GRIK3: variants seen among roughly 807,000 people sequenced by gnomAD.
GRIK3 encodes the protein glutamate ionotropic receptor kainate type subunit 3.
Under a neutral mutation model 102.5 loss-of-function variants are expected in GRIK3, and 29 were observed. That is an observed-to-expected ratio of 0.28 (90% confidence interval 0.21 to 0.39). The LOEUF (loss-of-function observed/expected upper bound fraction) is 0.39, where lower values mean the gene tolerates loss of function less well. GRIK3 is among the 10% of genes least tolerant of loss of function. GRIK3 has a pLI of 1.00. For synonymous variants in GRIK3, 511 were observed against 504.9 expected (o/e 1.01, Z -0.16); for missense variants, 908 against 1,252.4 (o/e 0.73, Z 4.15).
intron 5 of GRIK3, among the ~76,000 whole-genome samples, chr1:36,861,774 A>C (rs1056941886): frequency 8.5e-5 from 13 of 152,156 alleles, no homozygotes; most frequent in Non-Finnish European, 1.5e-4. Flanking sequence ...AGCCCAGGCA[A>C]GAAAGTCTGG....
intron 9 of GRIK3, among the ~76,000 whole-genome samples, chr1:36,842,376 A>G (rs1364046737): frequency 6.6e-6 from 1 of 152,040 alleles, no homozygotes; most frequent in Non-Finnish European, 1.5e-5. Flanking sequence ...TGAACCGGAA[A>G]CTCTGGGGAG....
chr1:36,948,319 A>G (rs556927480), intron 1 of GRIK3, among the ~76,000 whole-genome samples: 1 of 152,318 alleles, frequency 6.6e-6, no homozygotes, highest in South Asian at 2.1e-4. Flanking sequence ...CAGATCCTGT[A>G]CTGGGAGAGG....
At chr1:36,954,640 T>TC (rs936514019) in intron 1 of GRIK3, among the ~76,000 whole-genome samples, 1 of 152,146 alleles carries the variant, frequency 6.6e-6, no homozygotes, top group Non-Finnish European at 1.5e-5. Flanking sequence ...TCCCTGAGGT[T>TC]CCCCTGATTA....
In GRIK3 at chr1:36,801,856, G is replaced by A. The variant is rs200512044; in HGVS notation, c.2755C>T (p.Pro919Ser). Residue 919 changes from proline to serine, a missense_variant, in exon 16 of 16, where the codon CCC (proline) becomes TCC (serine). By Grantham distance (74) the Pro-to-Ser change is moderately conservative. Around this residue, in one of 3 missense-constraint regions of GRIK3, gnomAD observed 297 missense variants for 362.7 expected, o/e 0.82. Transcript: ENST00000373091. ...GGTCCCCACCCCAGCTGTGCCTAGG[G>A]GAACACAGGGGCTAAGGATGTGCTG... Reference protein sequence around the residue: ...ACSTSLAPVFP With the variant: ...ACSTSLAPVFS 2 of 1,602,984 alleles carry A rather than the reference G, an allele frequency of 1.2e-6. No individual in the cohort carries two copies. The highest frequency in any genetic ancestry group is 1.3e-5 in the African/African-American group (1 of 74,958).
intron 2 of GRIK3, among the ~76,000 whole-genome samples, chr1:36,890,250 G>A (rs2124272328): frequency 6.6e-6 from 1 of 152,166 alleles, no homozygotes; most frequent in Admixed American, 6.5e-5. Flanking sequence ...ATCACTTAAG[G>A]TCAGGAGTTC....
chr1:36,855,510 C>T (rs905535776), intron 7 of GRIK3, among the ~76,000 whole-genome samples: 1 of 152,152 alleles, frequency 6.6e-6, no homozygotes, highest in African/African-American at 2.4e-5. Flanking sequence ...GGCAGTGGGG[C>T]TGTGCTTTGG....
intron 1 of GRIK3, among the ~76,000 whole-genome samples, chr1:36,943,993 A>C (rs1218787795): frequency 6.6e-6 from 1 of 152,222 alleles, no homozygotes; most frequent in African/African-American, 2.4e-5. Flanking sequence ...CTTGGCAGAA[A>C]GATGCCCCTG....
chr1:36,874,246 A>G (rs1018846120), intron 3 of GRIK3, among the ~76,000 whole-genome samples: 1 of 152,210 alleles, frequency 6.6e-6, no homozygotes, highest in Admixed American at 6.5e-5. Flanking sequence ...AATTATTCTC[A>G]TTCCTGAGGG....
intron 1 of GRIK3, among the ~76,000 whole-genome samples, chr1:36,969,597 C>A (rs1642119556): frequency 6.6e-6 from 1 of 152,130 alleles, no homozygotes; most frequent in South Asian, 2.1e-4. Flanking sequence ...AGAGTAGAGA[C>A]CTGCATAAAG....
intron 1 of GRIK3, among the ~76,000 whole-genome samples, chr1:36,934,600 T>C (rs1641633179): frequency 6.6e-6 from 1 of 152,278 alleles, no homozygotes; most frequent in South Asian, 2.1e-4. Context: ...GTATTTTCCT[T>C]CATGACTCTT....
chr1:36,863,264 T>C (rs1249051224), intron 5 of GRIK3, among the ~76,000 whole-genome samples: 1 of 152,016 alleles, frequency 6.6e-6, no homozygotes, highest in Non-Finnish European at 1.5e-5. Context: ...CGAGAGGCTC[T>C]ACCTGCCCAG....
intron 1 of GRIK3, among the ~76,000 whole-genome samples, chr1:37,014,657 G>T (rs979471801): frequency 3.9e-5 from 6 of 152,160 alleles, no homozygotes; most frequent in African/African-American, 1.4e-4. Flanking sequence ...AGTGGCCTTT[G>T]CTGGGAAGCT....
At position 36,918,920 on chromosome 1, in the gene GRIK3, A is replaced by G. The variant is rs182595659; in HGVS notation, c.116-27824T>C. On this transcript the variant is annotated intron_variant, in intron 1 of 15. Transcript: ENST00000373091. ...TTCAATTACTATTCATCGAACACCA[A>G]TGACAGGCCAAGGACTGTTCCAGGC... Among the ~76,000 whole-genome samples the G allele has an allele frequency of 1.8e-3, 271 of 152,300 alleles. 1 individual carries two copies. Among genetic ancestry groups the G allele is most frequent in the Non-Finnish European group, 3.1e-3 (208 of 68,020 alleles).
At chr1:36,835,851 C>G (rs776093904) in intron 10 of GRIK3, among the ~76,000 whole-genome samples, 3 of 152,282 alleles carry the variant, frequency 2.0e-5, no homozygotes, top group Non-Finnish European at 4.4e-5. Context: ...TCTCTGCTCA[C>G]TGAATTCTGG....
At chr1:36,965,991 C>G (rs1416578534) in intron 1 of GRIK3, among the ~76,000 whole-genome samples, 1 of 152,320 alleles carries the variant, frequency 6.6e-6, no homozygotes, top group South Asian at 2.1e-4. Flanking sequence ...TAAGCCAGCA[C>G]AGTGCTATAT....
intron 10 of GRIK3, among the ~76,000 whole-genome samples, chr1:36,830,887 C>T (rs1294486580): frequency 6.6e-6 from 1 of 150,424 alleles, no homozygotes; most frequent in Non-Finnish European, 1.5e-5. Flanking sequence ...ATGCTGGAGG[C>T]AGAGACCGGA....
At chr1:36,928,511 C>G (rs191618916) in intron 1 of GRIK3, among the ~76,000 whole-genome samples, 1 of 152,316 alleles carries the variant, frequency 6.6e-6, no homozygotes, top group East Asian at 1.9e-4. Flanking sequence ...TATTCCCTGC[C>G]ATGCAAAACC....
chr1:36,869,021 G>A (rs1442869478), intron 5 of GRIK3, among the ~76,000 whole-genome samples: 1 of 152,232 alleles, frequency 6.6e-6, no homozygotes, highest in Non-Finnish European at 1.5e-5. Context: ...TGGGATGGGT[G>A]GAATAGTCTG....
chr1:36,978,352 T>G (rs3767101), intron 1 of GRIK3, among the ~76,000 whole-genome samples: 23,592 of 152,260 alleles, frequency 0.15, 2,541 homozygotes, highest in African/African-American at 0.31. Context: ...TCCAACCATA[T>G]TTTGAGTCTT....
Sources: gnomAD v4.1 joint callset for allele counts (sites outside exome capture counted in the v4.1 genomes callset) on GRCh38, gnomAD v4.1.1 for gene constraint, gnomAD v4.1.1 regional missense constraint, MANE v1.5 for transcripts, NCBI Gene and HGNC (gene_info 2026-07-23, HGNC 2026-07-21) for gene names.